Variants in NTSR1 observed in about 807,000 individuals in gnomAD.
NTSR1 encodes the protein neurotensin receptor 1, also known as neurotensin receptor type 1.
Under a neutral mutation model 31.2 loss-of-function variants are expected in NTSR1, and 29 were observed. The ratio of observed to expected loss-of-function variants is 0.93; its 90% CI spans 0.69 to 1.27. The LOEUF is 1.27. Among genes scored for constraint, NTSR1 ranks in the 50% most tolerant of loss-of-function variants. The pLI, the probability that NTSR1 is intolerant of heterozygous loss-of-function variation, is 0.00. For synonymous variants in NTSR1, 282 were observed against 269.9 expected, an observed-to-expected ratio of 1.04 and a Z score of -0.44; for missense variants, 697 against 595.4, an observed-to-expected ratio of 1.17 and a Z score of -1.78.
intron 1 of NTSR1, among the ~76,000 whole-genome samples, chr20:62,731,764 C>T (rs1485533669): frequency 2.6e-5 from 4 of 152,220 alleles, no homozygotes; most frequent in East Asian, 1.9e-4. Context: ...TGCATGTGTC[C>T]GTCCACTTCT....
At chr20:62,759,967 G>T (rs908112559) in intron 3 of NTSR1, 51 bp from the exon 4 acceptor site, 1 of 1,594,206 alleles carries the variant, frequency 6.3e-7, no homozygotes, top group African/African-American at 1.3e-5. Context: ...ACCCTGCCTT[G>T]GGGCCCTCAA....
intron 1 of NTSR1, among the ~76,000 whole-genome samples, chr20:62,726,985 C>A (rs186095734): frequency 1.8e-3 from 271 of 152,338 alleles, no homozygotes; most frequent in African/African-American, 6.0e-3. Context: ...TGTGGACAAC[C>A]GTGGCCTTGG....
At chr20:62,759,975 C>A in intron 3 of NTSR1, 43 bp from the exon 4 acceptor site, 4 of 1,602,608 alleles carry the variant, frequency 2.5e-6, no homozygotes, top group Non-Finnish European at 3.4e-6. Flanking sequence ...TTGGGGCCCT[C>A]AAGAGTTCTC....
chr20:62,759,624 A>C (rs570219121), intron 3 of NTSR1, among the ~76,000 whole-genome samples: 1 of 152,090 alleles, frequency 6.6e-6, no homozygotes, highest in South Asian at 2.1e-4. Flanking sequence ...AATACAAAAA[A>C]TTAGCCGGGC....
intron 3 of NTSR1, among the ~76,000 whole-genome samples, 183 bp from the exon 4 acceptor site, chr20:62,759,835 C>A (rs1047647764): frequency 6.6e-6 from 1 of 151,772 alleles, no homozygotes; most frequent in African/African-American, 2.4e-5. Context: ...GAACTTGCAG[C>A]TGCTCAGGAG....
At chr20:62,710,665 C>T (rs570514689) in intron 1 of NTSR1, among the ~76,000 whole-genome samples, 5 of 152,152 alleles carry the variant, frequency 3.3e-5, no homozygotes, top group East Asian at 3.9e-4. Flanking sequence ...CTGAGCAAAG[C>T]GCCGTGGGAA....
intron 1 of NTSR1, among the ~76,000 whole-genome samples, chr20:62,747,714 A>G (rs2375859): frequency 0.091 from 13,792 of 152,290 alleles, 871 homozygotes; most frequent in African/African-American, 0.18. Flanking sequence ...GTCTCTGCAG[A>G]TGACATGAAC....
chr20:62,752,741 G>T (rs1013174349), intron 1 of NTSR1, among the ~76,000 whole-genome samples: 1 of 152,172 alleles, frequency 6.6e-6, no homozygotes, highest in African/African-American at 2.4e-5. Flanking sequence ...GACTCACAGG[G>T]AATGGGTTTA....
At chr20:62,753,650 C>T (rs777301330) in intron 1 of NTSR1, among the ~76,000 whole-genome samples, 18 of 152,236 alleles carry the variant, frequency 1.2e-4, no homozygotes, top group Admixed American at 1.2e-3. Flanking sequence ...CAGCCAAAGA[C>T]GCCAAGATCT....
At chr20:62,710,040 G>A in intron 1 of NTSR1, 119 bp downstream of exon 1, 1 of 913,564 alleles carries the variant, frequency 1.1e-6, no homozygotes, top group Non-Finnish European at 1.6e-6. Flanking sequence ...ACTCCTGCGA[G>A]GCTGGGAAGG....
chr20:62,736,197 C>G (rs1405265347), intron 1 of NTSR1, among the ~76,000 whole-genome samples: 3 of 152,196 alleles, frequency 2.0e-5, no homozygotes, highest in Non-Finnish European at 4.4e-5. Flanking sequence ...GGCATCGTGG[C>G]TGGGGATTCT....
intron 1 of NTSR1, among the ~76,000 whole-genome samples, chr20:62,739,734 T>G (rs376640696): frequency 1.4e-4 from 22 of 152,370 alleles, no homozygotes; most frequent in African/African-American, 5.0e-4. Flanking sequence ...GCGTGGCCAC[T>G]AGGCGCTGGG....
rs1989222997 is a variant in NTSR1, at chr20:62,742,513, G to T, written c.715-12172G>T. 6.7e-6 allele frequency among the ~76,000 whole-genome samples: 1 copy of T among 149,502 alleles called. No individual in the cohort carries two copies. Among genetic ancestry groups the T allele is most frequent in the Admixed American group, 6.7e-5 (1 of 14,856 alleles). On this transcript the variant is annotated intron_variant, in intron 1 of 3. Transcript: ENST00000370501. The surrounding 1 kb of genome is among the most constrained non-coding windows in gnomAD (Gnocchi z 7.1). Reference sequence around the variant, plus strand: ...CGAGGAAAGAGACTGGGGACTGAGGGACAGCACAGTATCCCAAGCTGGCCA... The same window carrying T: ...CGAGGAAAGAGACTGGGGACTGAGGTACAGCACAGTATCCCAAGCTGGCCA...
chr20:62,754,049 G>A (rs1190634944), intron 1 of NTSR1, among the ~76,000 whole-genome samples: 2 of 152,236 alleles, frequency 1.3e-5, no homozygotes, highest in Non-Finnish European at 2.9e-5. Flanking sequence ...CGGATCAGGT[G>A]CAGGGTAGCT....
intron 1 of NTSR1, among the ~76,000 whole-genome samples, chr20:62,722,509 G>A (rs913178291): frequency 3.9e-5 from 6 of 152,320 alleles, no homozygotes; most frequent in South Asian, 2.1e-4. Context: ...CAGGAAAGCC[G>A]GTGTAGGCTT....
At chr20:62,710,546 G>T (rs1457193652) in intron 1 of NTSR1, among the ~76,000 whole-genome samples, 1 of 152,192 alleles carries the variant, frequency 6.6e-6, no homozygotes, top group Non-Finnish European at 1.5e-5. Context: ...ATTGCGGGAT[G>T]GTGGGGACGA....
In NTSR1 at chr20:62,754,740, C is replaced by T. The variant is rs1281295594; in HGVS notation, c.770C>T (p.Thr257Ile). 1 of 1,612,840 alleles carries T rather than the reference C, an allele frequency of 6.2e-7. No individual in the cohort carries two copies. The highest frequency in any genetic ancestry group is 1.3e-5 in the African/African-American group (1 of 74,890). The change falls in exon 2 of 4, where the codon ACC becomes ATC. Residue 257 changes from threonine to isoleucine, a missense_variant. Physicochemically the swap from Thr to Ile is moderately conservative, Grantham distance 89 (BLOSUM62 -1). Transcript: ENST00000370501. ...FPMVVISVLN[T>I]IIANKLTVMV... is the part of the protein sequence containing the mutation. ...ATGGTGGTCATCTCGGTCCTGAACA[C>T]CATCATCGCCAACAAGCTGACCGTC...
In NTSR1 at chr20:62,720,596, G is replaced by T. The variant is rs1348995721; in HGVS notation, c.714+10675G>T. Among the ~76,000 whole-genome samples the T allele has an allele frequency of 2.0e-5, 3 of 151,810 alleles. No individual in the cohort carries two copies. The East Asian group carries it at 5.8e-4, about 29-fold the overall frequency. On this transcript the variant is annotated intron_variant, in intron 1 of 3. Transcript: ENST00000370501. The stretch of plus-strand genomic sequence containing the variant: ...TGTTCTTTTTCAAGAATGAGCTTTT[G>T]ATTTCATTGATTTTTTTTCTATTGT...
In NTSR1 at chr20:62,709,841, C is replaced by A. The variant is rs141293864; in HGVS notation, c.634C>A (p.Arg212Ser). The change falls in exon 1 of 4, where the codon CGC becomes AGC. Residue 212 changes from arginine to serine, a missense_variant. Physicochemically the swap from Arg to Ser is moderately radical, Grantham distance 110. Coordinates refer to ENST00000370501, the MANE Select transcript of NTSR1 (RefSeq NM_002531.3). Reference protein sequence around the residue: ...PMLFTMGEQNRSADGQHAGGL... With the variant: ...PMLFTMGEQNSSADGQHAGGL... Reference sequence around the variant, plus strand: ...GCTGTTCACCATGGGCGAGCAGAACCGCAGCGCCGACGGCCAGCACGCCGG... The same window carrying A: ...GCTGTTCACCATGGGCGAGCAGAACAGCAGCGCCGACGGCCAGCACGCCGG... 6.2e-7 allele frequency: 1 copy of A among 1,610,364 alleles called. No individual in the cohort carries two copies. The highest frequency in any genetic ancestry group is 2.2e-5 in the East Asian group (1 of 44,760).
Sources: allele counts gnomAD v4.1 joint callset (sites outside exome capture counted in the v4.1 genomes callset), GRCh38; gene constraint gnomAD v4.1.1; non-coding constraint Gnocchi (gnomAD v3.1); transcripts MANE v1.5; gene names NCBI Gene and HGNC (gene_info 2026-07-23, HGNC 2026-07-21).